Variants in BRINP1 observed in about 807,000 individuals in gnomAD.
BRINP1 encodes BMP/retinoic acid inducible neural specific 1.
Under a neutral mutation model 72.9 loss-of-function variants are expected in BRINP1, and 17 were observed. The ratio of observed to expected loss-of-function variants is 0.23; its 90% CI spans 0.16 to 0.35. The LOEUF (loss-of-function observed/expected upper bound fraction) is 0.35. BRINP1 is among the 10% of genes least tolerant of loss of function. BRINP1 has a pLI of 1.00. For missense variants in BRINP1, 850 were observed against 1,001.6 expected (o/e 0.85, Z 2.04); for synonymous variants, 418 against 378.5 (o/e 1.10, Z -1.21).
chr9:119,272,206 G>GA (rs201055573), intron 2 of BRINP1, among the ~76,000 whole-genome samples: 3,573 of 151,554 alleles, frequency 0.024, 112 homozygotes, highest in African/African-American at 0.08. Context: ...AGCCTCCTGA[G>GA]AGCTAGGATG....
chr9:119,268,323 C>T (rs1211974931), intron 2 of BRINP1, among the ~76,000 whole-genome samples: 1 of 139,176 alleles, frequency 7.2e-6, no homozygotes, highest in Non-Finnish European at 1.6e-5. Context: ...TGTATAAAAT[C>T]GAAACTCTAC....
chr9:119,358,503 C>T (rs1194720198), intron 1 of BRINP1, among the ~76,000 whole-genome samples: 3 of 151,938 alleles, frequency 2.0e-5, no homozygotes, highest in Admixed American at 6.6e-5. Context: ...AGACCAGCCT[C>T]AGCAACACAG....
At chr9:119,314,889 C>T (rs1363042919) in intron 1 of BRINP1, among the ~76,000 whole-genome samples, 1 of 152,152 alleles carries the variant, frequency 6.6e-6, no homozygotes, top group Non-Finnish European at 1.5e-5. Context: ...CAATAAATGT[C>T]ACGTATCATG....
intron 1 of BRINP1, among the ~76,000 whole-genome samples, chr9:119,318,258 C>T (rs1366632610): frequency 6.6e-6 from 1 of 152,166 alleles, no homozygotes; most frequent in Non-Finnish European, 1.5e-5. Flanking sequence ...GTAAACCCAT[C>T]TATATACATG....
chr9:119,316,625 G>A (rs749370434), intron 1 of BRINP1, among the ~76,000 whole-genome samples: 2 of 152,002 alleles, frequency 1.3e-5, no homozygotes, highest in Non-Finnish European at 2.9e-5. Context: ...AAGCCTGGAT[G>A]ACAGCACATT....
intron 7 of BRINP1, among the ~76,000 whole-genome samples, chr9:119,198,574 C>CAA (rs1564214831): frequency 6.6e-6 from 1 of 152,108 alleles, no homozygotes; most frequent in Non-Finnish European, 1.5e-5. Flanking sequence ...TTTTACCCAA[C>CAA]AGAAACATCC....
At position 119,168,161 on chromosome 9, in the gene BRINP1, C is replaced by G. The variant is rs748207687; in HGVS notation, c.1209G>C (p.Trp403Cys). Residue 403 changes from tryptophan to cysteine, a missense_variant, in exon 8 of 8, where the codon TGG becomes TGC. Coordinates refer to ENST00000265922, the MANE Select transcript of BRINP1 (RefSeq NM_014618.3). ...TCCGCTGGCTCTCCAGGAAGGTTCC[C>G]CAAAACCCATTCTCATTACAGTAGA... Reference protein sequence around the residue: ...SLLYCNENGFWGTFLESQRSC... With the variant: ...SLLYCNENGFCGTFLESQRSC... The G allele has an allele frequency of 6.3e-7, 1 of 1,581,974 alleles. No homozygotes were observed. Among genetic ancestry groups the G allele is most frequent in the South Asian group, 1.2e-5 (1 of 86,316 alleles).
Position 119,167,785 on chromosome 9 carries a change from T to G in BRINP1, c.1585A>C (p.Lys529Gln). The G allele has an allele frequency of 6.2e-7, 1 of 1,614,004 alleles. No individual in the cohort carries two copies. Among genetic ancestry groups the G allele is most frequent in the African/African-American group, 1.3e-5 (1 of 74,984 alleles). ...AAGTCCATGCGGTTCTTGTTGCTCT[T>G]GAGAGTGAGGGACATGCGCTTGCGC... ...RWRKRMSLTL[K>Q]SNKNRMDFIH... Residue 529 changes from lysine to glutamine, a missense_variant, in exon 8 of 8, where the codon AAG (lysine) becomes CAG (glutamine). Physicochemically the swap from Lys to Gln is moderately conservative, Grantham distance 53. Transcript: ENST00000265922. The surrounding 1 kb of genome is among the most constrained non-coding windows in gnomAD (Gnocchi z 4.3).
chr9:119,330,843 T>C (rs1831292932), intron 1 of BRINP1, among the ~76,000 whole-genome samples: 1 of 151,954 alleles, frequency 6.6e-6, no homozygotes, highest in Non-Finnish European at 1.5e-5. Flanking sequence ...CTGACCAGCA[T>C]AGTGAAACCC....
intron 5 of BRINP1, among the ~76,000 whole-genome samples, chr9:119,215,976 A>G: frequency 6.6e-6 from 1 of 152,238 alleles, no homozygotes; most frequent in East Asian, 1.9e-4. Flanking sequence ...TCTATGTACA[A>G]AGATTATTGA....
chr9:119,204,574 ATTAG>A (rs1404372941), intron 7 of BRINP1, among the ~76,000 whole-genome samples: 5 of 152,204 alleles, frequency 3.3e-5, no homozygotes, highest in African/African-American at 4.8e-5. Context: ...TGAGGAAGAA[ATTAG>A]TTAATCTCAT....
intron 2 of BRINP1, among the ~76,000 whole-genome samples, chr9:119,251,794 A>C (rs570694215): frequency 3.9e-5 from 6 of 152,214 alleles, no homozygotes; most frequent in South Asian, 4.2e-4. Flanking sequence ...AGCTGAGACA[A>C]ATGTTACAGG....
intron 2 of BRINP1, among the ~76,000 whole-genome samples, chr9:119,286,118 T>C (rs954378036): frequency 6.6e-6 from 1 of 152,104 alleles, no homozygotes; most frequent in Non-Finnish European, 1.5e-5. Flanking sequence ...ACCACGAAAA[T>C]TGTCTCCACC....
chr9:119,173,424 A>G (rs1239011117), intron 7 of BRINP1, among the ~76,000 whole-genome samples: 5 of 150,854 alleles, frequency 3.3e-5, no homozygotes, highest in Non-Finnish European at 7.4e-5. Flanking sequence ...CCAACTTACA[A>G]GGGATGTGAA....
At chr9:119,171,507 A>T (rs1829410312) in intron 7 of BRINP1, among the ~76,000 whole-genome samples, 1 of 151,146 alleles carries the variant, frequency 6.6e-6, no homozygotes, top group Admixed American at 6.6e-5. Context: ...TTACAAAGAG[A>T]CTTAGACTCC....
intron 1 of BRINP1, among the ~76,000 whole-genome samples, chr9:119,366,639 A>G (rs543052102): frequency 6.6e-6 from 1 of 151,666 alleles, no homozygotes; most frequent in African/African-American, 2.4e-5. Flanking sequence ...CCTGAAATGC[A>G]TCTCTGAAAA....
intron 1 of BRINP1, among the ~76,000 whole-genome samples, chr9:119,363,572 G>A (rs984198618): frequency 3.9e-5 from 6 of 152,090 alleles, no homozygotes; most frequent in Admixed American, 1.3e-4. Flanking sequence ...ACATTACCAC[G>A]ACTAGTGGTG....
At chr9:119,298,023 A>C (rs1049981441) in intron 2 of BRINP1, among the ~76,000 whole-genome samples, 1 of 152,188 alleles carries the variant, frequency 6.6e-6, no homozygotes, top group Non-Finnish European at 1.5e-5. Flanking sequence ...TTCATCAGTC[A>C]ATTTGTCTGG....
At chr9:119,314,450 C>G (rs1831105276) in intron 1 of BRINP1, among the ~76,000 whole-genome samples, 1 of 152,188 alleles carries the variant, frequency 6.6e-6, no homozygotes, top group Non-Finnish European at 1.5e-5. Flanking sequence ...ACTACAACCT[C>G]CGCCTCCAGG....
Sources: gnomAD v4.1 joint callset for allele counts (sites outside exome capture counted in the v4.1 genomes callset) on GRCh38, gnomAD v4.1.1 for gene constraint, Gnocchi (gnomAD v3.1) non-coding constraint, MANE v1.5 for transcripts, NCBI Gene and HGNC (gene_info 2026-07-23, HGNC 2026-07-21) for gene names.